The following FAM110B variants were observed in gnomAD, a reference collection of about 807,000 sequenced individuals.
FAM110B encodes family with sequence similarity 110 member B, also known as protein FAM110B.
A neutral mutation model predicts 20.4 loss-of-function variants in FAM110B; 6 were observed. That is an observed-to-expected ratio of 0.29 (90% CI 0.16 to 0.58). The LOEUF (loss-of-function observed/expected upper bound fraction) is 0.58. Ranked by LOEUF, FAM110B falls within the 20% of genes least tolerant of loss-of-function variation. The pLI is 0.90. For synonymous variants in FAM110B, 226 were observed against 214.1 expected (o/e 1.06, Z -0.49); for missense variants, 434 against 498.2 (o/e 0.87, Z 1.23).
chr8:58,085,252 C>T (rs1391636828), intron 3 of FAM110B, among the ~76,000 whole-genome samples: 2 of 152,210 alleles, frequency 1.3e-5, no homozygotes, highest in Non-Finnish European at 2.9e-5. Flanking sequence ...GTGGCCCACA[C>T]CTATAATCCC....
chr8:58,047,284 T>G (rs1230128519), intron 2 of FAM110B, among the ~76,000 whole-genome samples: 1 of 151,962 alleles, frequency 6.6e-6, no homozygotes, highest in African/African-American at 2.4e-5. Flanking sequence ...GGCCCAGGAG[T>G]CTCAGCCTAT....
intron 2 of FAM110B, among the ~76,000 whole-genome samples, chr8:58,039,741 A>G (rs1041076452): frequency 3.9e-5 from 6 of 152,082 alleles, no homozygotes; most frequent in African/African-American, 1.2e-4. Context: ...TCTTATATAT[A>G]TTTAAACATA....
chr8:58,011,559 G>A (rs1440666972), intron 1 of FAM110B, among the ~76,000 whole-genome samples: 8 of 152,232 alleles, frequency 5.3e-5, no homozygotes, highest in Non-Finnish European at 8.8e-5. Flanking sequence ...CACTGTGCAC[G>A]CACTCAGCTC....
At chr8:58,004,223 C>G (rs1804357769) in intron 1 of FAM110B, among the ~76,000 whole-genome samples, 1 of 152,244 alleles carries the variant, frequency 6.6e-6, no homozygotes. Context: ...CCACTCACCT[C>G]TTGCTGTGCA....
chr8:58,069,664 T>C (rs1176521179), intron 2 of FAM110B, among the ~76,000 whole-genome samples: 3 of 152,198 alleles, frequency 2.0e-5, no homozygotes, highest in African/African-American at 4.8e-5. Context: ...CCACTATAGA[T>C]AGAAATTTGC....
At chr8:58,138,425 G>A (rs757060722) in intron 3 of FAM110B, among the ~76,000 whole-genome samples, 2 of 152,178 alleles carry the variant, frequency 1.3e-5, no homozygotes, top group African/African-American at 4.8e-5. Flanking sequence ...GTGTGATCTG[G>A]TTAGAGAGTC....
chr8:58,001,939 A>C (rs1804304607), intron 1 of FAM110B, among the ~76,000 whole-genome samples: 1 of 152,204 alleles, frequency 6.6e-6, no homozygotes, highest in Non-Finnish European at 1.5e-5. Flanking sequence ...GCTGTCTCCA[A>C]GATGGAGACC....
intron 1 of FAM110B, among the ~76,000 whole-genome samples, chr8:57,995,095 C>A (rs1804154750): frequency 6.6e-6 from 1 of 152,088 alleles, no homozygotes; most frequent in South Asian, 2.1e-4. Flanking sequence ...GCTGCACGTC[C>A]CGGGCTCGGC....
At chr8:57,998,418 C>T (rs532943451) in intron 1 of FAM110B, among the ~76,000 whole-genome samples, 1 of 152,266 alleles carries the variant, frequency 6.6e-6, no homozygotes, top group African/African-American at 2.4e-5. Flanking sequence ...GAGGTTTATT[C>T]ATTTTGATCA....
intron 1 of FAM110B, among the ~76,000 whole-genome samples, chr8:58,003,981 C>T (rs114633006): frequency 0.02 from 2,976 of 151,898 alleles, 105 homozygotes; most frequent in African/African-American, 0.067. Flanking sequence ...CAGTCCCCAA[C>T]ATTTTTGGCA....
chr8:58,007,852 T>C (rs1488688781), intron 1 of FAM110B, among the ~76,000 whole-genome samples: 6 of 152,134 alleles, frequency 3.9e-5, no homozygotes, highest in Non-Finnish European at 7.3e-5. Flanking sequence ...CTAGGCATTA[T>C]GCTAGGTGCT....
intron 2 of FAM110B, among the ~76,000 whole-genome samples, chr8:58,068,382 G>T (rs1489771575): frequency 6.6e-6 from 1 of 152,224 alleles, no homozygotes; most frequent in African/African-American, 2.4e-5. Flanking sequence ...TGAATTTATG[G>T]ACCATGAGTT....
intron 3 of FAM110B, among the ~76,000 whole-genome samples, chr8:58,138,943 C>A (rs377343830): frequency 6.6e-6 from 1 of 152,200 alleles, no homozygotes; most frequent in East Asian, 1.9e-4. Flanking sequence ...CCTGGTTCAA[C>A]ATTTGCTTCC....
chr8:58,069,838 AGC>A (rs1805849523), intron 2 of FAM110B, among the ~76,000 whole-genome samples: 6 of 152,362 alleles, frequency 3.9e-5, no homozygotes, highest in African/African-American at 1.4e-4. Flanking sequence ...GAATCTGATA[AGC>A]TTAAGTAAGC....
intron 3 of FAM110B, among the ~76,000 whole-genome samples, chr8:58,090,938 A>C (rs1806460983): frequency 6.6e-6 from 1 of 152,220 alleles, no homozygotes; most frequent in Non-Finnish European, 1.5e-5. Flanking sequence ...AGCAGTTAAC[A>C]GATATGAGAT....
Position 58,148,455 on chromosome 8 carries a change from C to G in FAM110B, c.*1112C>G, listed in dbSNP as rs1803923620. The G allele has an allele frequency of 6.0e-6, 1 of 167,050 alleles. No individual in the cohort carries two copies. Among genetic ancestry groups the G allele is most frequent in the South Asian group, 2.1e-4 (1 of 4,828 alleles). 10.3% of individuals were successfully genotyped at this position (167,050 alleles called of 1,614,324 possible). On this transcript the variant is annotated 3_prime_UTR_variant, in exon 4 of 4. Transcript: ENST00000519262. ...ACAGCTCTAGGAAACTGTAGAAATACAATGCTATGTAGCTTTTCCACCCCA... is the reference window on the plus strand; with the variant it reads ...ACAGCTCTAGGAAACTGTAGAAATAGAATGCTATGTAGCTTTTCCACCCCA...
intron 2 of FAM110B, among the ~76,000 whole-genome samples, chr8:58,060,833 C>G (rs1046028737): frequency 6.6e-6 from 1 of 152,162 alleles, no homozygotes; most frequent in Non-Finnish European, 1.5e-5. Context: ...GGCCCTGGCT[C>G]TGTCACCTAG....
rs763347134 is a variant in FAM110B at position 58,146,559 on chromosome 8, G to A, written c.329G>A (p.Gly110Asp). ...GGCAACCACGCCAAGACCGAGAGCG[G>A]CGTGCAGAGGGAGAACCTGAAGCTG... ...VFGNHAKTESGVQRENLKLEI... is the reference protein window; with the variant it reads ...VFGNHAKTESDVQRENLKLEI... The change falls in exon 4 of 4, where the codon GGC becomes GAC. Residue 110 changes from glycine (G) to aspartate (D), a missense_variant. Transcript: ENST00000519262. 2 of 1,614,044 alleles carry A rather than the reference G, an allele frequency of 1.2e-6. No homozygotes were observed. Among genetic ancestry groups the A allele is most frequent in the Non-Finnish European group, 1.7e-6 (2 of 1,179,946 alleles).
Position 58,147,129 on chromosome 8 carries a change from A to G in FAM110B, c.899A>G (p.Asn300Ser). Reference protein sequence around the residue: ...NLGMENFARANSDIISLNFRS... With the variant: ...NLGMENFARASSDIISLNFRS... ...GGAATGGAAAACTTTGCAAGGGCTAATTCTGACATAATATCCCTCAACTTC... is the reference window on the plus strand; with the variant it reads ...GGAATGGAAAACTTTGCAAGGGCTAGTTCTGACATAATATCCCTCAACTTC... Residue 300 changes from asparagine (N) to serine (S), a missense_variant, in exon 4 of 4, where the codon AAT (asparagine) becomes AGT (serine). Asn to Ser is a conservative substitution (Grantham distance 46, BLOSUM62 1). Coordinates refer to ENST00000519262, the MANE Select transcript of FAM110B (RefSeq NM_001377989.1). The G allele has an allele frequency of 6.2e-7, 1 of 1,614,212 alleles. No individual in the cohort carries two copies. Among genetic ancestry groups the G allele is most frequent in the Non-Finnish European group, 8.5e-7 (1 of 1,180,042 alleles).
Sources: allele counts gnomAD v4.1 joint callset (sites outside exome capture counted in the v4.1 genomes callset), GRCh38; gene constraint gnomAD v4.1.1; transcripts MANE v1.5; gene names NCBI Gene and HGNC (gene_info 2026-07-23, HGNC 2026-07-21).